The following GTF2IRD2B variants were observed in gnomAD, a reference collection of about 807,000 sequenced individuals.
GTF2IRD2B encodes the protein GTF2I repeat domain containing 2B.
Under a neutral mutation model 55.6 loss-of-function variants are expected in GTF2IRD2B, and 10 were observed. The observed-to-expected ratio is 0.18, with a 90% CI of 0.11 to 0.31. The LOEUF is 0.31. Among genes scored for constraint, GTF2IRD2B ranks in the 10% least tolerant of loss-of-function variants. The pLI, the probability that GTF2IRD2B is intolerant of heterozygous loss-of-function variation, is 1.00. For missense variants in GTF2IRD2B, 206 were observed against 802.7 expected (o/e 0.26, Z 8.98); for synonymous variants, 107 against 320.5 (o/e 0.33, Z 7.12).
At chr7:75,121,561 C>A (rs587676666) in intron 4 of GTF2IRD2B, among the ~76,000 whole-genome samples, 1 of 142,340 alleles carries the variant, frequency 7.0e-6, no homozygotes, top group Non-Finnish European at 1.5e-5. Context: ...TGGGTTCAAG[C>A]GATTCTCCCA....
chr7:75,126,827 T>C (rs2115793059), intron 8 of GTF2IRD2B, among the ~76,000 whole-genome samples: 1 of 150,210 alleles, frequency 6.7e-6, no homozygotes, highest in South Asian at 2.1e-4. Flanking sequence ...TAAAACCCTG[T>C]CTCTACTAAA....
chr7:75,135,421 A>G (rs1224042404), intron 10 of GTF2IRD2B, among the ~76,000 whole-genome samples: 5 of 151,480 alleles, frequency 3.3e-5, no homozygotes, highest in Non-Finnish European at 7.4e-5. Flanking sequence ...GGCGTAAGCC[A>G]CCATGCCCAG....
At chr7:75,134,818 C>T (rs587621047) in intron 9 of GTF2IRD2B, among the ~76,000 whole-genome samples, 183 bp from the exon 10 acceptor site, 1 of 147,630 alleles carries the variant, frequency 6.8e-6, no homozygotes, top group Admixed American at 6.6e-5. Flanking sequence ...CTGCCCGCCT[C>T]CACCTCCCAG....
intron 3 of GTF2IRD2B, among the ~76,000 whole-genome samples, chr7:75,120,351 G>A (rs1456396207): frequency 5.4e-5 from 3 of 56,062 alleles, no homozygotes; most frequent in East Asian, 3.4e-4. Flanking sequence ...TTATTGCCAC[G>A]TTTCAACTGT....
chr7:75,103,557 G>C (rs1166226078), intron 1 of GTF2IRD2B, among the ~76,000 whole-genome samples: 39 of 149,856 alleles, frequency 2.6e-4, no homozygotes, highest in African/African-American at 8.7e-4. Flanking sequence ...TCCATGAATA[G>C]TCTCAACTAA....
chr7:75,107,266 T>A (rs1164006426), intron 1 of GTF2IRD2B, among the ~76,000 whole-genome samples: 6 of 152,054 alleles, frequency 3.9e-5, no homozygotes, highest in Admixed American at 6.6e-5. Context: ...AAAGTTAGCA[T>A]AAAAATAAAT....
At position 75,115,425 on chromosome 7, in the gene GTF2IRD2B, T is replaced by A. The variant is rs1286909177; in HGVS notation, c.238+2890T>A. ...CCTTGGTGTTCCATATGAATTTTTT[T>A]TTATTTTTTTTTTTTTGAGACAGAA... On this transcript the variant is annotated intron_variant, in intron 3 of 15. Transcript: ENST00000472837. Among the ~76,000 whole-genome samples, 47 of 150,026 alleles carry A rather than the reference T, an allele frequency of 3.1e-4. 1 individual carries two copies. The highest frequency in any genetic ancestry group is 1.0e-3 in the African/African-American group (42 of 40,966).
At chr7:75,134,010 T>C (rs1808749024) in intron 9 of GTF2IRD2B, among the ~76,000 whole-genome samples, 1 of 126,796 alleles carries the variant, frequency 7.9e-6, no homozygotes. Flanking sequence ...GTTCCTGAAC[T>C]GACTGGTCAC....
At chr7:75,113,863 AGTGTGT>A (rs782323728) in intron 3 of GTF2IRD2B, among the ~76,000 whole-genome samples, 9 of 134,908 alleles carry the variant, frequency 6.7e-5, no homozygotes, top group South Asian at 2.3e-4. Context: ...GGGTATATAA[AGTGTGT>A]GTGTGTGTGT....
chr7:75,108,888 C>T, intron 1 of GTF2IRD2B, 72 bp from the exon 2 acceptor site: 1 of 403,528 alleles, frequency 2.5e-6, no homozygotes, highest in Non-Finnish European at 4.5e-6. Context: ...CTTTGGTGAG[C>T]ACCCTCACAT....
At chr7:75,126,868 G>A (rs1346409555) in intron 8 of GTF2IRD2B, among the ~76,000 whole-genome samples, 1 of 150,282 alleles carries the variant, frequency 6.7e-6, no homozygotes, top group Non-Finnish European at 1.5e-5. Flanking sequence ...ATGGTCGTGT[G>A]CGCCTGTAGT....
At chr7:75,103,239 A>C (rs1807640421) in intron 1 of GTF2IRD2B, among the ~76,000 whole-genome samples, 1 of 151,986 alleles carries the variant, frequency 6.6e-6, no homozygotes, top group Admixed American at 6.6e-5. Context: ...AGATCGCACC[A>C]CTGCACTCCA....
At chr7:75,137,161 C>G (rs1346461231) in intron 11 of GTF2IRD2B, among the ~76,000 whole-genome samples, 6 of 150,328 alleles carry the variant, frequency 4.0e-5, no homozygotes, top group African/African-American at 7.4e-5. Context: ...TGAGATCTCA[C>G]CACTGTACTG....
At chr7:75,116,601 G>T in intron 3 of GTF2IRD2B, among the ~76,000 whole-genome samples, 1 of 138,692 alleles carries the variant, frequency 7.2e-6, no homozygotes, top group African/African-American at 2.6e-5. Flanking sequence ...CCAAAACTGT[G>T]TTGAACAGAA....
intron 1 of GTF2IRD2B, among the ~76,000 whole-genome samples, chr7:75,105,573 T>A (rs1333886010): frequency 6.6e-6 from 1 of 152,310 alleles, no homozygotes; most frequent in Non-Finnish European, 1.5e-5. Flanking sequence ...TGTTTAATAA[T>A]AATAGAGATA....
In GTF2IRD2B at chr7:75,120,002, A is replaced by G. The variant is rs1206791075; in HGVS notation, c.239-889A>G. The stretch of plus-strand genomic sequence containing the variant: ...AACTTAGCCGGGCGTGGTGGCAGGC[A>G]CCTGTAGTCCCAGCTACTCAGGAGG... On this transcript the variant is annotated intron_variant, in intron 3 of 15. Transcript: ENST00000472837. Among the ~76,000 whole-genome samples the G allele has an allele frequency of 3.1e-5, 4 of 128,074 alleles. 1 individual carries two copies. Among genetic ancestry groups the G allele is most frequent in the African/African-American group, 1.1e-4 (3 of 26,716 alleles). 84.0% of individuals were successfully genotyped at this position (128,074 alleles called of 152,430 possible). A position where few individuals can be genotyped will look rare whatever the true frequency, so the allele number is the denominator to read the frequency against.
rs1554532825 is a variant in GTF2IRD2B at position 75,148,195 on chromosome 7, C to T, written c.1748C>T (p.Thr583Met). 6.2e-6 allele frequency: 10 copies of T among 1,613,666 alleles called. No homozygotes were observed. The highest frequency in any genetic ancestry group is 7.6e-6 in the Non-Finnish European group (9 of 1,179,852). ...GATGTGTCCGAAGAACTTCTGGACA[C>T]GGTGCCCATGACGGGTACAAAATCT... ...NFDVSEELLDTVPMTGTKSGN... is the reference protein window; with the variant it reads ...NFDVSEELLDMVPMTGTKSGN... Residue 583 changes from threonine to methionine, a missense_variant, in exon 16 of 16, where the codon ACG (threonine) becomes ATG (methionine). Thr to Met is a moderately conservative substitution (Grantham distance 81). Transcript: ENST00000472837.
chr7:75,117,354 T>C (rs1808195485), intron 3 of GTF2IRD2B, among the ~76,000 whole-genome samples: 1 of 152,274 alleles, frequency 6.6e-6, no homozygotes, highest in Non-Finnish European at 1.5e-5. Flanking sequence ...ACAAAAATTT[T>C]AGTGGTGGCA....
intron 8 of GTF2IRD2B, among the ~76,000 whole-genome samples, chr7:75,132,797 C>T (rs1808708714): frequency 6.7e-6 from 1 of 148,944 alleles, no homozygotes; most frequent in African/African-American, 2.6e-5. Context: ...AAGTGATCTG[C>T]CCGCCTCAGC....
Sources: gnomAD v4.1 joint callset for allele counts (sites outside exome capture counted in the v4.1 genomes callset) on GRCh38, gnomAD v4.1.1 for gene constraint, MANE v1.5 for transcripts, NCBI Gene and HGNC (gene_info 2026-07-23, HGNC 2026-07-21) for gene names.